The following WFIKKN1 variants were observed in gnomAD, a reference collection of about 807,000 sequenced individuals.
The protein encoded by WFIKKN1 is WAP, Kazal, immunoglobulin, Kunitz and NTR domain-containing protein 1.
A neutral mutation model predicts 4.6 loss-of-function variants in WFIKKN1; 6 were observed. The ratio of observed to expected loss-of-function variants is 1.31; its 90% CI spans 0.72 to 2.59. WFIKKN1 has a LOEUF of 2.59. WFIKKN1 is among the 30% of genes most tolerant of loss of function. The pLI, the probability that WFIKKN1 is intolerant of heterozygous loss-of-function variation, is 0.00. For synonymous variants in WFIKKN1, 468 were observed against 367.4 expected, an observed-to-expected ratio of 1.27 and a Z score of -3.13; for missense variants, 964 against 818.0, an observed-to-expected ratio of 1.18 and a Z score of -2.18.
Position 632,622 on chromosome 16 carries a change from G to C in WFIKKN1, c.212G>C (p.Gly71Ala). ...GAGAAGTGCTGCATCAACGTGTGTG[G>C]ACTGCACAGCTGCGTGGCAGCACGC... ...AAEKCCINVC[G>A]LHSCVAARFP... The change falls in exon 2 of 2, where the codon GGA (glycine) becomes GCA (alanine). Residue 71 changes from glycine (G) to alanine (A), a missense_variant. Physicochemically the swap from Gly to Ala is moderately conservative, Grantham distance 60 (BLOSUM62 0). Transcript: ENST00000319070. 6.3e-7 allele frequency: 1 copy of C among 1,589,548 alleles called. No individual in the cohort carries two copies. The highest frequency in any genetic ancestry group is 8.6e-7 in the Non-Finnish European group (1 of 1,166,312).
chr16:633,228 G>A lies in WFIKKN1; in HGVS notation c.818G>A (p.Arg273Gln), dbSNP rs1381902003. 24 of 1,587,090 alleles carry A rather than the reference G, an allele frequency of 1.5e-5. No individual in the cohort carries two copies. The highest frequency in any genetic ancestry group is 3.4e-5 in the South Asian group (3 of 88,150). The change falls in exon 2 of 2, where the codon CGG becomes CAG. Residue 273 changes from arginine to glutamine, a missense_variant. Coordinates refer to ENST00000319070, the MANE Select transcript of WFIKKN1 (RefSeq NM_053284.3). ...GCGCGCAACGCTGCTGGGCTGCTGC[G>A]GGCTGACTTCCCACTCTCTGTGGTC... ...CTARNAAGLLRADFPLSVVQR... is the reference protein window; with the variant it reads ...CTARNAAGLLQADFPLSVVQR...
Position 633,625 on chromosome 16 carries a change from C to A in WFIKKN1, c.1215C>A (p.Cys405Ter), listed in dbSNP as rs774889768. 136 of 1,571,806 alleles carry A rather than the reference C, an allele frequency of 8.7e-5. No individual in the cohort carries two copies. The highest frequency in any genetic ancestry group is 1.1e-4 in the Non-Finnish European group (128 of 1,163,734). ...NGNNFHSRESCEDACPVPRTP... is the reference protein window; with the variant it reads ...NGNNFHSRES ...ACAACTTCCACAGCCGCGAGAGCTG[C>A]GAGGATGCCTGCCCCGTGCCGCGCA... Residue 405 changes from cysteine (C) to a stop codon, truncating the protein, a stop_gained, in exon 2 of 2, where the codon TGC becomes TGA. Coordinates refer to ENST00000319070, the MANE Select transcript of WFIKKN1 (RefSeq NM_053284.3). LOFTEE classifies it low-confidence loss of function (END_TRUNC).
At position 633,069 on chromosome 16, in the gene WFIKKN1, A is replaced by T; in HGVS notation, c.659A>T (p.Glu220Val). 1.2e-6 allele frequency: 2 copies of T among 1,612,142 alleles called. No individual in the cohort carries two copies. Among genetic ancestry groups the T allele is most frequent in the Non-Finnish European group, 1.7e-6 (2 of 1,179,570 alleles). Residue 220 changes from glutamate (E) to valine (V), a missense_variant, in exon 2 of 2, where the codon GAG (glutamate) becomes GTG (valine). By Grantham distance (121) the Glu-to-Val change is moderately radical. Coordinates refer to ENST00000319070, the MANE Select transcript of WFIKKN1 (RefSeq NM_053284.3). ...CGCCCGCCGCCTGCTGTGACCTGGG[A>T]GAAGCAGAGTCACCAGCGAGAGAAC... ...SGRPPPAVTW[E>V]KQSHQRENLI...
intron 1 of WFIKKN1, chr16:632,259 T>C: frequency 3.6e-6 from 1 of 278,146 alleles, no homozygotes; most frequent in Non-Finnish European, 6.7e-6. Context: ...GCAGCCGATG[T>C]CCAGCCTTTG....
In WFIKKN1 at chr16:633,923, G is replaced by A; in HGVS notation, c.1513G>A (p.Gly505Ser). Reference sequence around the variant, plus strand: ...GGGCGACGGGCCGCTGGTCATCATGGGTGAGGTGCGCGATGGCGTGGCCGT... The same window carrying A: ...GGGCGACGGGCCGCTGGTCATCATGAGTGAGGTGCGCGATGGCGTGGCCGT... ...TAGDGPLVIM[G>S]EVRDGVAVLD... The change falls in exon 2 of 2, where the codon GGT becomes AGT. Residue 505 changes from glycine (G) to serine (S), a missense_variant. By Grantham distance (56) the Gly-to-Ser change is moderately conservative. Coordinates refer to ENST00000319070, the MANE Select transcript of WFIKKN1 (RefSeq NM_053284.3). 2 of 1,595,088 alleles carry A rather than the reference G, an allele frequency of 1.3e-6. No homozygotes were observed. Among genetic ancestry groups the A allele is most frequent in the South Asian group, 1.1e-5 (1 of 88,798 alleles).
rs757179062 is a variant in WFIKKN1, at chr16:633,784, G to A, written c.1374G>A (p.Ala458=). 3.4e-5 allele frequency: 54 copies of A among 1,600,012 alleles called. No individual in the cohort carries two copies. The highest frequency in any genetic ancestry group is 4.5e-5 in the Non-Finnish European group (53 of 1,174,086). ...CCGCCGGCGGCATCGCCCGCGTGGC[G>A]CTCGAGGACGTGCTCAAGGATGACA... is the stretch of plus-strand genomic sequence containing the variant. The part of the protein sequence containing the change: ...PEAAGGIARV[A]LEDVLKDDKM... The change falls in exon 2 of 2, where the codon GCG becomes GCA. Residue 458 remains alanine, a synonymous_variant. Transcript: ENST00000319070.
rs1041477443 is a variant in WFIKKN1 at position 633,499 on chromosome 16, C to G, written c.1089C>G (p.Ala363=). 2 of 1,508,258 alleles carry G rather than the reference C, an allele frequency of 1.3e-6. No homozygotes were observed. The highest frequency in any genetic ancestry group is 2.3e-5 in the Admixed American group (1 of 44,024). The allele number at this position is 1,508,258 out of a possible 1,614,324, so 93.4% of individuals were successfully genotyped here. A position where few individuals can be genotyped will look rare whatever the true frequency, so the allele number is the denominator to read the frequency against. Reference sequence around the variant, plus strand: ...CCGGCGACGCCTGCGTGCTGCCTGCCGTGCAGGGCCCCTGCCGGGGCTGGG... The same window carrying G: ...CCGGCGACGCCTGCGTGCTGCCTGCGGTGCAGGGCCCCTGCCGGGGCTGGG... ...RGPGDACVLP[A]VQGPCRGWEP... The change falls in exon 2 of 2, where the codon GCC becomes GCG. Residue 363 remains alanine (A), a synonymous_variant. Coordinates refer to ENST00000319070, the MANE Select transcript of WFIKKN1 (RefSeq NM_053284.3).
chr16:633,801 A>G lies in WFIKKN1; in HGVS notation c.1391A>G (p.Lys464Arg). 1.2e-6 allele frequency: 2 copies of G among 1,603,182 alleles called. No homozygotes were observed. The highest frequency in any genetic ancestry group is 1.7e-6 in the Non-Finnish European group (2 of 1,175,426). Residue 464 changes from lysine (K) to arginine (R), a missense_variant, in exon 2 of 2, where the codon AAG becomes AGG. Lys to Arg is a conservative substitution (Grantham distance 26). Transcript: ENST00000319070. ...CGCGTGGCGCTCGAGGACGTGCTCAAGGATGACAAGATGGGCCTCAAGTTC... is the reference window on the plus strand; with the variant it reads ...CGCGTGGCGCTCGAGGACGTGCTCAGGGATGACAAGATGGGCCTCAAGTTC... The part of the protein sequence containing the change: ...IARVALEDVL[K>R]DDKMGLKFLG...
chr16:633,942 T>A lies in WFIKKN1; in HGVS notation c.1532T>A (p.Val511Glu). 6.3e-7 allele frequency: 1 copy of A among 1,595,696 alleles called. No homozygotes were observed. The highest frequency in any genetic ancestry group is 8.5e-7 in the Non-Finnish European group (1 of 1,172,056). The stretch of plus-strand genomic sequence containing the variant: ...ATCATGGGTGAGGTGCGCGATGGCG[T>A]GGCCGTGCTGGACGCCGGCAGCTAC... Reference protein sequence around the residue: ...LVIMGEVRDGVAVLDAGSYVR... With the variant: ...LVIMGEVRDGEAVLDAGSYVR... Residue 511 changes from valine (V) to glutamate (E), a missense_variant, in exon 2 of 2, where the codon GTG (valine) becomes GAG (glutamate). By Grantham distance (121) the Val-to-Glu change is moderately radical. Transcript: ENST00000319070.
At position 633,818 on chromosome 16, in the gene WFIKKN1, C is replaced by G. The variant is rs202136863; in HGVS notation, c.1408C>G (p.Leu470Val). ...CGTGCTCAAGGATGACAAGATGGGC[C>G]TCAAGTTCTTGGGCACCAAGTACCT... is the stretch of plus-strand genomic sequence containing the variant. ...EDVLKDDKMG[L>V]KFLGTKYLEV... The change falls in exon 2 of 2, where the codon CTC becomes GTC. Residue 470 changes from leucine to valine, a missense_variant. Transcript: ENST00000319070. The G allele has an allele frequency of 6.2e-7, 1 of 1,603,232 alleles. No homozygotes were observed. The highest frequency in any genetic ancestry group is 8.5e-7 in the Non-Finnish European group (1 of 1,175,436).
In WFIKKN1 at chr16:632,679, C is replaced by T. The variant is rs769947524; in HGVS notation, c.269C>T (p.Ala90Val). 20 of 1,605,970 alleles carry T rather than the reference C, an allele frequency of 1.2e-5. No individual in the cohort carries two copies. Among genetic ancestry groups the T allele is most frequent in the East Asian group, 4.5e-5 (2 of 44,518 alleles). ...FPGSPAAPTT[A>V]ASCEGFVCPQ... ...GGCAGCCCAGCTGCGCCGACGACAGCGGCCTCCTGCGAGGGCTTTGTGTGC... is the reference window on the plus strand; with the variant it reads ...GGCAGCCCAGCTGCGCCGACGACAGTGGCCTCCTGCGAGGGCTTTGTGTGC... Residue 90 changes from alanine (A) to valine (V), a missense_variant, in exon 2 of 2, where the codon GCG (alanine) becomes GTG (valine). Coordinates refer to ENST00000319070, the MANE Select transcript of WFIKKN1 (RefSeq NM_053284.3).
rs1035320841 is a variant in WFIKKN1 at position 632,943 on chromosome 16, C to T, written c.533C>T (p.Thr178Ile). 5 of 1,560,054 alleles carry T rather than the reference C, an allele frequency of 3.2e-6. No homozygotes were observed. The highest frequency in any genetic ancestry group is 1.7e-4 in the Middle Eastern group (1 of 5,816). The change falls in exon 2 of 2, where the codon ACA becomes ATA. Residue 178 changes from threonine to isoleucine, a missense_variant. Coordinates refer to ENST00000319070, the MANE Select transcript of WFIKKN1 (RefSeq NM_053284.3). ...PGPPETTARP[T>I]PGAAPVPPAL... is the part of the protein sequence containing the mutation. ...CCGCCGGAGACCACTGCCCGCCCCA[C>T]ACCTGGGGCCGCGCCCGTGCCTCCT...
At position 633,853 on chromosome 16, in the gene WFIKKN1, G is replaced by T. The variant is rs765548988; in HGVS notation, c.1443G>T (p.Thr481=). Residue 481 remains threonine (T), a synonymous_variant, in exon 2 of 2, where the codon ACG becomes ACT. Coordinates refer to ENST00000319070, the MANE Select transcript of WFIKKN1 (RefSeq NM_053284.3). ...KFLGTKYLEV[T]LSGMDWACPC... is the part of the protein sequence containing the mutation. ...TGGGCACCAAGTACCTGGAGGTGAC[G>T]CTGAGTGGCATGGACTGGGCCTGCC... The T allele has an allele frequency of 1.9e-6, 3 of 1,598,098 alleles. 1 individual carries two copies. Among genetic ancestry groups the T allele is most frequent in the South Asian group, 2.3e-5 (2 of 88,880 alleles).
rs186832772 is a variant in WFIKKN1, at chr16:634,041, A to G, written c.1631A>G (p.Asn544Ser). 8.1e-5 allele frequency: 129 copies of G among 1,585,916 alleles called. No individual in the cohort carries two copies. The African/African-American group carries it at 1.6e-3, about 20-fold the overall frequency. ...GAGAAGCAGGCCTGCGAGCTGCTCA[A>G]CCGCTTCCAGGACTAGCCCCCGCAG... Reference protein sequence around the residue: ...LLEKQACELLNRFQD With the variant: ...LLEKQACELLSRFQD Residue 544 changes from asparagine to serine, a missense_variant, in exon 2 of 2, where the codon AAC becomes AGC. Coordinates refer to ENST00000319070, the MANE Select transcript of WFIKKN1 (RefSeq NM_053284.3).
rs929792520 is a variant in WFIKKN1, at chr16:632,614, CGT to C, written c.210_211del (p.Cys70TrpfsTer51). 4 of 1,574,536 alleles carry C rather than the reference CGT, an allele frequency of 2.5e-6. No individual in the cohort carries two copies. The highest frequency in any genetic ancestry group is 2.3e-5 in the East Asian group (1 of 43,808). ...CGGCTGCTGAGAAGTGCTGCATCAA[CGT>C]GTGTGGACTGCACAGCTGCGTGGCA... ...CAAAEKCCIN[V>X]CGLHSCVAAR... On this transcript the variant is annotated frameshift_variant, in exon 2 of 2. Transcript: ENST00000319070. LOFTEE classifies it low-confidence loss of function (END_TRUNC).
Position 633,492 on chromosome 16 carries a change from T to C in WFIKKN1, c.1082T>C (p.Leu361Pro). 6.6e-7 allele frequency: 1 copy of C among 1,516,608 alleles called. No individual in the cohort carries two copies. The highest frequency in any genetic ancestry group is 8.8e-7 in the Non-Finnish European group (1 of 1,141,650). 93.9% of individuals were successfully genotyped at this position (1,516,608 alleles called of 1,614,324 possible). A position where few individuals can be genotyped will look rare whatever the true frequency, so the allele number is the denominator to read the frequency against. ...CARGPGDACV[L>P]PAVQGPCRGW... Reference sequence around the variant, plus strand: ...CGCGGCCCCGGCGACGCCTGCGTGCTGCCTGCCGTGCAGGGCCCCTGCCGG... The same window carrying C: ...CGCGGCCCCGGCGACGCCTGCGTGCCGCCTGCCGTGCAGGGCCCCTGCCGG... Residue 361 changes from leucine to proline, a missense_variant, in exon 2 of 2, where the codon CTG (leucine) becomes CCG (proline). Physicochemically the swap from Leu to Pro is moderately conservative, Grantham distance 98 (BLOSUM62 -3). Transcript: ENST00000319070.
At position 631,039 on chromosome 16, in the gene WFIKKN1, C is replaced by T; in HGVS notation, c.-215C>T. On this transcript the variant is annotated 5_prime_UTR_variant, in exon 1 of 2. Coordinates refer to ENST00000319070, the MANE Select transcript of WFIKKN1 (RefSeq NM_053284.3). The stretch of plus-strand genomic sequence containing the variant: ...GGAACCAGCGTCACACAGACGGCCT[C>T]TGAGAACTTGGAGACCCCGTTACCC... 1.7e-6 allele frequency: 1 copy of T among 581,806 alleles called. No homozygotes were observed. The highest frequency in any genetic ancestry group is 3.0e-6 in the Non-Finnish European group (1 of 334,490). 36.0% of individuals were successfully genotyped at this position (581,806 alleles called of 1,614,324 possible). A position where few individuals can be genotyped will look rare whatever the true frequency, so the allele number is the denominator to read the frequency against.
Position 632,930 on chromosome 16 carries a change from A to G in WFIKKN1, c.520A>G (p.Thr174Ala). The G allele has an allele frequency of 6.4e-7, 1 of 1,558,286 alleles. No individual in the cohort carries two copies. The highest frequency in any genetic ancestry group is 1.2e-5 in the South Asian group (1 of 82,836). The change falls in exon 2 of 2, where the codon ACT becomes GCT. Residue 174 changes from threonine to alanine, a missense_variant. Coordinates refer to ENST00000319070, the MANE Select transcript of WFIKKN1 (RefSeq NM_053284.3). ...CAGCAGCCCGGGGCCGCCGGAGACC[A>G]CTGCCCGCCCCACACCTGGGGCCGC... ...PPSSPGPPET[T>A]ARPTPGAAPV... is the part of the protein sequence containing the mutation.
Sources: gnomAD v4.1 joint callset for allele counts on GRCh38, gnomAD v4.1.1 for gene constraint, MANE v1.5 for transcripts, NCBI Gene and HGNC (gene_info 2026-07-23, HGNC 2026-07-21) for gene names.